NAIP: variants seen among roughly 807,000 people sequenced by gnomAD.
The protein encoded by NAIP is baculoviral IAP repeat-containing protein 1.
In NAIP, 15 loss-of-function variants were observed where a neutral mutation model predicts 23.0. The observed-to-expected ratio is 0.65, with a 90% CI of 0.44 to 1.00. The LOEUF (loss-of-function observed/expected upper bound fraction) is 1.00. Among genes scored for constraint, NAIP ranks in the 50% least tolerant of loss-of-function variants. The probability of loss-of-function intolerance (pLI) is 0.00; values close to 1 mark genes in which losing one functional copy is unlikely to be tolerated. For missense variants in NAIP, 265 were observed against 278.8 expected, an observed-to-expected ratio of 0.95 and a Z score of 0.35; for synonymous variants, 100 against 100.2, an observed-to-expected ratio of 1.00 and a Z score of 0.01.
Position 71,012,598 on chromosome 5 carries a change from A to G in NAIP, c.318T>C (p.Gly106=), listed in dbSNP as rs1580935126. 6.2e-7 allele frequency: 1 copy of G among 1,611,940 alleles called. No individual in the cohort carries two copies. Among genetic ancestry groups the G allele is most frequent in the Non-Finnish European group, 8.5e-7 (1 of 1,178,508 alleles). ...CTATGGGGAGTCTCGTGAGGCCGGC[A>G]CCAAAGAGGATTAGGCTACAGCAGA... The part of the protein sequence containing the change: ...QCFCCSLILF[G]AGLTRLPIED... Residue 106 remains glycine, a synonymous_variant, in exon 4 of 17, where the codon GGT becomes GGC. Coordinates refer to ENST00000517649, the MANE Select transcript of NAIP (RefSeq NM_004536.3).
rs575457653 is a variant in NAIP at position 71,011,665 on chromosome 5, G to A, written c.569-291C>T. On this transcript the variant is annotated intron_variant, in intron 4 of 16. Coordinates refer to ENST00000517649, the MANE Select transcript of NAIP (RefSeq NM_004536.3). Reference sequence around the variant, plus strand: ...TCAGGGTCAAAGTGATAGGGAAGCCGACTAACACCAGGACCAGCTGAAGTA... The same window carrying A: ...TCAGGGTCAAAGTGATAGGGAAGCCAACTAACACCAGGACCAGCTGAAGTA... The A allele has an allele frequency of 2.2e-4, 105 of 487,414 alleles. 3 individuals carry two copies. The highest frequency in any genetic ancestry group is 1.2e-3 in the African/African-American group (60 of 51,588). 30.2% of individuals were successfully genotyped at this position (487,414 alleles called of 1,614,324 possible).
Position 71,010,744 on chromosome 5 carries a change from C to A in NAIP, c.668+531G>T, listed in dbSNP as rs373392820. Among the ~76,000 whole-genome samples, 55 of 151,506 alleles carry A rather than the reference C, an allele frequency of 3.6e-4. 2 individuals are homozygous for A. The South Asian group carries it at 9.8e-3, about 27-fold the overall frequency. On this transcript the variant is annotated intron_variant, in intron 5 of 16. Transcript: ENST00000517649. ...TCATGAAACTTCTACTGGGCAAAAC[C>A]TATCTTAGAATTTGGGATAATGAAA...
intron 8 of NAIP, among the ~76,000 whole-genome samples, chr5:71,000,623 A>G (rs1750778215): frequency 9.1e-6 from 1 of 109,400 alleles, no homozygotes; most frequent in South Asian, 3.2e-4. Flanking sequence ...CATGATCTTG[A>G]CTCCCCGCAA....
intron 3 of NAIP, among the ~76,000 whole-genome samples, chr5:71,015,878 C>T (rs1227342346): frequency 1.5e-5 from 2 of 130,856 alleles, no homozygotes; most frequent in African/African-American, 5.6e-5. Flanking sequence ...GCAGAGGTTG[C>T]AGTGAGCCGA....
intron 5 of NAIP, among the ~76,000 whole-genome samples, chr5:71,010,185 G>A (rs1003392592): frequency 2.0e-5 from 3 of 151,516 alleles, no homozygotes; most frequent in African/African-American, 7.3e-5. Context: ...ACGGCTCAAT[G>A]CAGCCTTGAC....
intron 4 of NAIP, among the ~76,000 whole-genome samples, chr5:71,012,041 G>A (rs1050219528): frequency 6.6e-6 from 1 of 151,540 alleles, no homozygotes; most frequent in Non-Finnish European, 1.5e-5. Context: ...GGATCAGGAT[G>A]ACCGCATGAG....
At chr5:70,978,149 A>ATTT (rs71223138) in intron 13 of NAIP, among the ~76,000 whole-genome samples, 4 of 24,324 alleles carry the variant, frequency 1.6e-4, no homozygotes, top group Non-Finnish European at 5.4e-4. Context: ...ATATATATAT[A>ATTT]TTTTTTTTTT....
chr5:71,010,098 A>C (rs921540399), intron 5 of NAIP, among the ~76,000 whole-genome samples: 6 of 151,408 alleles, frequency 4.0e-5, no homozygotes, highest in African/African-American at 1.5e-4. Context: ...CCCTATGGAA[A>C]TTATTATTAC....
chr5:71,012,926 G>A lies in NAIP; in HGVS notation c.-3-8C>T, dbSNP rs770995452. On this transcript the variant is annotated splice_region_variant and splice_polypyrimidine_tract_variant and intron_variant, in intron 3 of 16. Transcript: ENST00000517649. The stretch of plus-strand genomic sequence containing the variant: ...CTGCTGGGTGGCCATTTTCTGAAAA[G>A]GAAAATAAAGCAGGTTGATCCCTTA... 15 of 1,564,144 alleles carry A rather than the reference G, an allele frequency of 9.6e-6. 1 individual carries two copies. The East Asian group carries it at 2.5e-4, about 26-fold the overall frequency.
intron 3 of NAIP, among the ~76,000 whole-genome samples, chr5:71,017,707 A>AT (rs1751504495): frequency 1.4e-5 from 1 of 73,202 alleles, no homozygotes; most frequent in African/African-American, 4.3e-5. Context: ...TGCCCGGCTA[A>AT]TTTTTTTATT....
chr5:71,013,674 G>C (rs1370125443), intron 3 of NAIP, among the ~76,000 whole-genome samples: 4 of 150,118 alleles, frequency 2.7e-5, no homozygotes, highest in Non-Finnish European at 5.9e-5. Flanking sequence ...CTCAGTAACA[G>C]GCCAATGACT....
chr5:71,008,569 C>T (rs1750983601), intron 5 of NAIP, among the ~76,000 whole-genome samples: 1 of 64,586 alleles, frequency 1.5e-5, no homozygotes, highest in Non-Finnish European at 2.9e-5. Flanking sequence ...CTTTGGGAGG[C>T]CGAGGCAGGT....
intron 13 of NAIP, among the ~76,000 whole-genome samples, chr5:70,978,830 G>A (rs1229624308): frequency 2.9e-5 from 1 of 34,142 alleles, no homozygotes; most frequent in Non-Finnish European, 4.4e-5. Flanking sequence ...TTTTGCTCTC[G>A]TTCCCCATGG....
intron 4 of NAIP, chr5:71,011,866 G>A (rs1255548988): frequency 2.7e-5 from 8 of 298,236 alleles, no homozygotes; most frequent in African/African-American, 1.7e-4. Flanking sequence ...AGTAGGTACA[G>A]TACTCAGTAA....
intron 16 of NAIP, among the ~76,000 whole-genome samples, chr5:70,972,912 T>G (rs552515324): frequency 4.9e-4 from 24 of 48,640 alleles, no homozygotes; most frequent in Middle Eastern, 5.3e-3. Flanking sequence ...TTTTGTTTTT[T>G]TTTTTTGAGA....
intron 4 of NAIP, chr5:71,011,800 G>A (rs1751173580): frequency 2.3e-6 from 1 of 441,014 alleles, no homozygotes; most frequent in Non-Finnish European, 4.5e-6. Context: ...TGAAATGGGA[G>A]AGAAAGGGGT....
chr5:71,013,769 CG>C (rs1267416421), intron 3 of NAIP, among the ~76,000 whole-genome samples: 1 of 151,316 alleles, frequency 6.6e-6, no homozygotes, highest in Non-Finnish European at 1.5e-5. Flanking sequence ...GGGGCAGTCA[CG>C]GGCTTTGGTA....
At chr5:71,010,412 G>C (rs1262967262) in intron 5 of NAIP, among the ~76,000 whole-genome samples, 1 of 151,528 alleles carries the variant, frequency 6.6e-6, no homozygotes, top group East Asian at 1.9e-4. Context: ...GGGACTACAG[G>C]CACCCGCCAC....
At chr5:71,015,406 G>A (rs1444762015) in intron 3 of NAIP, among the ~76,000 whole-genome samples, 29 of 145,034 alleles carry the variant, frequency 2.0e-4, no homozygotes, top group Non-Finnish European at 2.6e-4. Context: ...CATCCATTCC[G>A]ATAATATATC....
Sources: allele counts gnomAD v4.1 joint callset (sites outside exome capture counted in the v4.1 genomes callset), GRCh38; gene constraint gnomAD v4.1.1; transcripts MANE v1.5; gene names NCBI Gene and HGNC (gene_info 2026-07-23, HGNC 2026-07-21).